ZBTB38: variants seen among roughly 807,000 people sequenced by gnomAD.
The protein encoded by ZBTB38 is zinc finger and BTB domain-containing protein 38.
A neutral mutation model predicts 76.8 loss-of-function variants in ZBTB38; 20 were observed. The observed-to-expected ratio is 0.26, with a 90% CI of 0.18 to 0.38. ZBTB38 has a LOEUF of 0.38. Among genes scored for constraint, ZBTB38 ranks in the 10% least tolerant of loss-of-function variants. The pLI is 1.00. For missense variants in ZBTB38, 1,082 were observed against 1,482.3 expected, an observed-to-expected ratio of 0.73 and a Z score of 4.43; for synonymous variants, 504 against 544.2, an observed-to-expected ratio of 0.93 and a Z score of 1.03.
chr3:141,416,974 G>C (rs2074195330), intron 5 of ZBTB38, among the ~76,000 whole-genome samples: 1 of 152,192 alleles, frequency 6.6e-6, no homozygotes, highest in Non-Finnish European at 1.5e-5. Flanking sequence ...AAGTCACCAA[G>C]TTTGAGGTAA....
intron 5 of ZBTB38, among the ~76,000 whole-genome samples, chr3:141,416,389 G>A (rs892625972): frequency 2.0e-5 from 3 of 152,118 alleles, no homozygotes; most frequent in Non-Finnish European, 2.9e-5. Flanking sequence ...CTTTGCCCTG[G>A]ACTCACAGTG....
chr3:141,421,271 CTT>C (rs887532141), intron 5 of ZBTB38, among the ~76,000 whole-genome samples: 5 of 147,734 alleles, frequency 3.4e-5, no homozygotes, highest in Non-Finnish European at 7.5e-5. Flanking sequence ...AGTCTAGAAA[CTT>C]CTCTCTTTTT....
intron 5 of ZBTB38, among the ~76,000 whole-genome samples, chr3:141,429,416 G>C (rs768093417): frequency 2.6e-5 from 4 of 152,174 alleles, no homozygotes; most frequent in Non-Finnish European, 5.9e-5. Flanking sequence ...TTTGGGGATC[G>C]TGAGTGCAGG....
At chr3:141,328,245 C>T (rs1372442589) in intron 1 of ZBTB38, among the ~76,000 whole-genome samples, 2 of 152,062 alleles carry the variant, frequency 1.3e-5, no homozygotes, top group South Asian at 2.1e-4. Flanking sequence ...GCATAATACC[C>T]GACATTTTTC....
chr3:141,329,371 C>T (rs947091055), intron 1 of ZBTB38, among the ~76,000 whole-genome samples: 1 of 152,178 alleles, frequency 6.6e-6, no homozygotes, highest in African/African-American at 2.4e-5. Flanking sequence ...CATCCCTTCC[C>T]ACATCCTTCT....
chr3:141,335,551 C>T (rs1473482597), intron 1 of ZBTB38, among the ~76,000 whole-genome samples: 4 of 152,252 alleles, frequency 2.6e-5, no homozygotes, highest in African/African-American at 7.2e-5. Flanking sequence ...TGGACTGAAT[C>T]TGCTGTTTCA....
chr3:141,409,478 G>C (rs1003058297), intron 5 of ZBTB38, among the ~76,000 whole-genome samples: 12 of 152,202 alleles, frequency 7.9e-5, no homozygotes, highest in African/African-American at 2.7e-4. Flanking sequence ...TTAACTGAGA[G>C]GCTCAGAGAT....
intron 1 of ZBTB38, among the ~76,000 whole-genome samples, chr3:141,360,536 T>C (rs1559920002): frequency 6.6e-6 from 1 of 152,218 alleles, no homozygotes; most frequent in Non-Finnish European, 1.5e-5. Flanking sequence ...ATATTACTCT[T>C]ATTTATGAAC....
upstream of ZBTB38, chr3:141,366,201 T>C (rs1287646936): frequency 6.6e-6 from 1 of 152,242 alleles, no homozygotes; most frequent in African/African-American, 2.4e-5. Flanking sequence ...TTACTGATCA[T>C]TTCTGCTTCT....
intron 4 of ZBTB38, chr3:141,388,021 A>G (rs1292334249): frequency 6.6e-6 from 1 of 152,228 alleles, no homozygotes; most frequent in African/African-American, 2.4e-5. Flanking sequence ...AGGGTTTTTA[A>G]TTGGACAGCC....
intron 1 of ZBTB38, among the ~76,000 whole-genome samples, chr3:141,339,801 T>C (rs765096806): frequency 6.6e-6 from 1 of 152,154 alleles, no homozygotes; most frequent in African/African-American, 2.4e-5. Flanking sequence ...GACCTGCAGA[T>C]AGAAGTGTTG....
chr3:141,429,577 G>A (rs13069734), intron 5 of ZBTB38, among the ~76,000 whole-genome samples: 35,237 of 152,210 alleles, frequency 0.23, 5,400 homozygotes, highest in Non-Finnish European at 0.34. Flanking sequence ...GCAGCCTAGA[G>A]AAGCAGCTCC....
At chr3:141,331,387 G>A (rs1942847002) in intron 1 of ZBTB38, among the ~76,000 whole-genome samples, 1 of 152,172 alleles carries the variant, frequency 6.6e-6, no homozygotes, top group Admixed American at 6.5e-5. Flanking sequence ...AGACAGAGCT[G>A]GCTAGCCCTA....
chr3:141,391,205 G>A (rs1344357353), intron 4 of ZBTB38, among the ~76,000 whole-genome samples: 1 of 152,134 alleles, frequency 6.6e-6, no homozygotes, highest in African/African-American at 2.4e-5. Flanking sequence ...TGAGGGTTAT[G>A]TGGTTCTAGG....
chr3:141,431,341 A>ATATATATATATATATATATATATATATAT (rs1553771300), intron 5 of ZBTB38, among the ~76,000 whole-genome samples: 5 of 103,276 alleles, frequency 4.8e-5, no homozygotes, highest in African/African-American at 1.8e-4. Flanking sequence ...AAAAAAAAAA[A>ATATATATATATATATATATATATATATAT]ATATATATAT....
At chr3:141,424,895 GGTAATA>G (rs1371388400) in intron 5 of ZBTB38, among the ~76,000 whole-genome samples, 1 of 152,114 alleles carries the variant, frequency 6.6e-6, no homozygotes, top group Non-Finnish European at 1.5e-5. Context: ...ATAATTAATT[GGTAATA>G]GTAATAATAA....
rs1312086760 is a variant in ZBTB38 at position 141,444,092 on chromosome 3, A to G, written c.1704A>G (p.Leu568=). 4 of 1,613,922 alleles carry G rather than the reference A, an allele frequency of 2.5e-6. No homozygotes were observed. The highest frequency in any genetic ancestry group is 2.2e-5 in the East Asian group (1 of 44,900). Residue 568 remains leucine (L), a synonymous_variant, in exon 6 of 6, where the codon CTA becomes CTG. Coordinates refer to ENST00000321464, the MANE Select transcript of ZBTB38 (RefSeq NM_001376113.1). This position sits in a 1 kb window ranked among gnomAD's most constrained non-coding sequence, Gnocchi z 5.1. ...PSVYPYKLYR[L]LPMKCKRAPY... ...TCTATCCGTATAAACTTTATAGGCT[A>G]CTGCCTATGAAATGCAAGAGAGCCC...
At chr3:141,409,710 AC>A (rs1465770199) in intron 5 of ZBTB38, among the ~76,000 whole-genome samples, 6 of 152,162 alleles carry the variant, frequency 3.9e-5, no homozygotes, top group Admixed American at 1.3e-4. Context: ...AGAGTAAAAC[AC>A]CAATGGAGTT....
intron 4 of ZBTB38, among the ~76,000 whole-genome samples, chr3:141,398,915 A>C (rs1450838583): frequency 1.3e-5 from 2 of 152,194 alleles, no homozygotes; most frequent in Non-Finnish European, 2.9e-5. Flanking sequence ...CATACAGTGC[A>C]ATTGACACTA....
Sources: allele counts gnomAD v4.1 joint callset (sites outside exome capture counted in the v4.1 genomes callset), GRCh38; gene constraint gnomAD v4.1.1; non-coding constraint Gnocchi (gnomAD v3.1); transcripts MANE v1.5; gene names NCBI Gene and HGNC (gene_info 2026-07-23, HGNC 2026-07-21).